COL5A2: variants seen among roughly 807,000 people sequenced by gnomAD.
COL5A2 encodes collagen alpha-2(V) chain.
Under a neutral mutation model 208.2 loss-of-function variants are expected in COL5A2, and 23 were observed. The ratio of observed to expected loss-of-function variants is 0.11; its 90% CI spans 0.08 to 0.16. COL5A2 has a LOEUF of 0.16. COL5A2 is among the 10% of genes least tolerant of loss of function. The pLI, the probability that COL5A2 is intolerant of heterozygous loss-of-function variation, is 1.00. For missense variants in COL5A2, 1,590 were observed against 1,956.4 expected (o/e 0.81, Z 3.53); for synonymous variants, 625 against 628.5 (o/e 0.99, Z 0.08).
intron 35 of COL5A2, 91 bp downstream of exon 35, chr2:189,056,882 G>T: frequency 8.2e-7 from 1 of 1,226,292 alleles, no homozygotes; most frequent in Non-Finnish European, 1.2e-6. Context: ...AAGGAAACAT[G>T]ACTGACTTTA....
intron 1 of COL5A2, among the ~76,000 whole-genome samples, chr2:189,121,219 G>T (rs1403982617): frequency 1.3e-5 from 2 of 151,806 alleles, no homozygotes; most frequent in African/African-American, 4.8e-5. Flanking sequence ...TGTTTTGGGG[G>T]TTGCTTTTTT....
chr2:189,063,529 ATCTT>A (rs1373528976), intron 26 of COL5A2, among the ~76,000 whole-genome samples: 1 of 152,200 alleles, frequency 6.6e-6, no homozygotes, highest in Non-Finnish European at 1.5e-5. Context: ...AATAGGGGAA[ATCTT>A]TCTTCTTTCA....
At chr2:189,218,211 A>T (rs1468687930) in intron 1 of COL5A2, among the ~76,000 whole-genome samples, 1 of 152,198 alleles carries the variant, frequency 6.6e-6, no homozygotes, top group African/African-American at 2.4e-5. Flanking sequence ...TCTCCCTCAA[A>T]TTCCCATTCC....
intron 1 of COL5A2, among the ~76,000 whole-genome samples, chr2:189,171,238 G>C (rs1426688875): frequency 6.6e-6 from 1 of 152,172 alleles, no homozygotes. Context: ...GCAGGATCTT[G>C]TATGTCACAC....
intron 31 of COL5A2, among the ~76,000 whole-genome samples, chr2:189,060,299 G>A (rs912928071): frequency 6.6e-5 from 10 of 152,100 alleles, no homozygotes; most frequent in Non-Finnish European, 1.2e-4. Context: ...TTGTTCAGCT[G>A]GTTCAGGCCA....
chr2:189,138,138 C>A (rs765703637), intron 1 of COL5A2, among the ~76,000 whole-genome samples: 11 of 152,020 alleles, frequency 7.2e-5, no homozygotes, highest in South Asian at 2.1e-4. Context: ...CAATGCCCAG[C>A]TAATTTTTGT....
chr2:189,401,053 C>T, the COL5A2 span, among the ~76,000 whole-genome samples: 3 of 151,730 alleles, frequency 2.0e-5, no homozygotes, highest in South Asian at 6.2e-4. Context: ...TCATTCTTTT[C>T]TTATTTCCAA....
At chr2:189,418,675 C>A in the COL5A2 span, among the ~76,000 whole-genome samples, 3 of 152,140 alleles carry the variant, frequency 2.0e-5, no homozygotes, top group Non-Finnish European at 1.5e-5. Context: ...TCAGAGAAGT[C>A]TTTGTACTTC....
chr2:189,268,249 C>G, the COL5A2 span, among the ~76,000 whole-genome samples: 1 of 152,060 alleles, frequency 6.6e-6, no homozygotes, highest in African/African-American at 2.4e-5. Context: ...GGCATTGTTT[C>G]CACAAGAAAC....
At chr2:189,110,725 C>T (rs1687243555) in intron 1 of COL5A2, among the ~76,000 whole-genome samples, 1 of 151,934 alleles carries the variant, frequency 6.6e-6, no homozygotes, top group African/African-American at 2.4e-5. Flanking sequence ...AGATTTTATT[C>T]TTGAAGGTAT....
chr2:189,314,772 A>G, the COL5A2 span, among the ~76,000 whole-genome samples: 2 of 152,230 alleles, frequency 1.3e-5, no homozygotes, highest in Non-Finnish European at 2.9e-5. Context: ...CCATAGAAAT[A>G]CAAACAACCA....
At chr2:189,174,360 C>T (rs1373997696) in intron 1 of COL5A2, among the ~76,000 whole-genome samples, 1 of 152,208 alleles carries the variant, frequency 6.6e-6, no homozygotes, top group Non-Finnish European at 1.5e-5. Flanking sequence ...CCTAATCCAC[C>T]ATGAGGGGTA....
At chr2:189,263,094 C>T in the COL5A2 span, among the ~76,000 whole-genome samples, 1 of 152,080 alleles carries the variant, frequency 6.6e-6, no homozygotes, top group East Asian at 1.9e-4. Context: ...TCAAGCAGGA[C>T]ATAGGAGAAT....
At chr2:189,399,488 G>A in the COL5A2 span, among the ~76,000 whole-genome samples, 26 of 152,190 alleles carry the variant, frequency 1.7e-4, 1 homozygote, top group East Asian at 5.0e-3. Context: ...GACCTCAGAT[G>A]ATCCACCCAG....
At chr2:189,388,997 G>T in the COL5A2 span, among the ~76,000 whole-genome samples, 3 of 152,126 alleles carry the variant, frequency 2.0e-5, no homozygotes. Context: ...ATATTGAATA[G>T]TTATGATCAA....
upstream of COL5A2, among the ~76,000 whole-genome samples, chr2:189,228,828 C>T (rs533049774): frequency 2.6e-5 from 4 of 151,806 alleles, no homozygotes; most frequent in South Asian, 8.3e-4. Flanking sequence ...AGCATTATTC[C>T]GATACCAAAC....
At chr2:189,052,111 A>G (rs1373771479) in intron 41 of COL5A2, 61 bp downstream of exon 41, 1 of 1,335,460 alleles carries the variant, frequency 7.5e-7, no homozygotes, top group Non-Finnish European at 1.1e-6. Context: ...TTTAACTCAA[A>G]TGTATACGTG....
At chr2:189,356,767 T>G in the COL5A2 span, among the ~76,000 whole-genome samples, 4 of 152,204 alleles carry the variant, frequency 2.6e-5, no homozygotes, top group Non-Finnish European at 5.9e-5. Context: ...CATTCAGTTT[T>G]GTTCCCTTGC....
chr2:189,176,390 G>C (rs1688678867), intron 1 of COL5A2, among the ~76,000 whole-genome samples: 2 of 152,046 alleles, frequency 1.3e-5, no homozygotes, highest in African/African-American at 4.8e-5. Flanking sequence ...ACAAACACTG[G>C]CTTGCTTCAC....
Sources: allele counts gnomAD v4.1 joint callset (sites outside exome capture counted in the v4.1 genomes callset), GRCh38; gene constraint gnomAD v4.1.1; transcripts MANE v1.5; gene names NCBI Gene and HGNC (gene_info 2026-07-23, HGNC 2026-07-21).